STAG1: variants seen among roughly 807,000 people sequenced by gnomAD.
STAG1 encodes the protein STAG1 cohesin complex component.
STAG1 carries 26 observed loss-of-function variants against 170.9 expected under a neutral mutation model. That is an observed-to-expected ratio of 0.15 (90% confidence interval 0.11 to 0.21). STAG1 has a LOEUF of 0.21. STAG1 is among the 10% of genes least tolerant of loss of function. The probability of loss-of-function intolerance (pLI) is 1.00; values close to 1 mark genes in which losing one functional copy is unlikely to be tolerated. For synonymous variants in STAG1, 514 were observed against 497.7 expected (o/e 1.03, Z -0.44); for missense variants, 964 against 1,509.5 (o/e 0.64, Z 5.99).
At chr3:136,526,065 A>G (rs1212235379) in intron 6 of STAG1, among the ~76,000 whole-genome samples, 1 of 152,208 alleles carries the variant, frequency 6.6e-6, no homozygotes, top group East Asian at 1.9e-4. Flanking sequence ...AGAAGAATGT[A>G]TATTCTGTTA....
chr3:136,582,279 G>C (rs1429025073), intron 4 of STAG1, among the ~76,000 whole-genome samples: 1 of 152,164 alleles, frequency 6.6e-6, no homozygotes, highest in Non-Finnish European at 1.5e-5. Context: ...CCTGCAATGA[G>C]AGAAGTTCAG....
rs201296791 is a variant in STAG1, at chr3:136,747,146, G to GCC, written c.-84+5047_-84+5048dup. Among the ~76,000 whole-genome samples the GCC allele has an allele frequency of 3.0e-3, 448 of 147,382 alleles. 7 individuals are homozygous for GCC. In the East Asian group the frequency reaches 0.046, roughly 15 times the overall value. On this transcript the variant is annotated intron_variant, in intron 1 of 33. Transcript: ENST00000383202. Reference sequence around the variant, plus strand: ...AAATTAGCCGGGCATGGTGGTGCGTGCCTGCATTCCCAGCTACTCAGGAGG... The same window carrying GCC: ...AAATTAGCCGGGCATGGTGGTGCGTGCCCCTGCATTCCCAGCTACTCAGGAGG...
chr3:136,673,683 CATG>C lies in STAG1; in HGVS notation c.-83-42705_-83-42703del, dbSNP rs538760644. 6.6e-4 allele frequency among the ~76,000 whole-genome samples: 101 copies of C among 152,262 alleles called. 1 individual carries two copies. Among genetic ancestry groups the C allele is most frequent in the African/African-American group, 2.4e-3 (99 of 41,546 alleles). ...AAAATTTTTCACCTCAAAGCCTGCCCATGATGATAATGCTTTTGTCTCCAACTT... is the reference window on the plus strand; with the variant it reads ...AAAATTTTTCACCTCAAAGCCTGCCCATGATAATGCTTTTGTCTCCAACTT... On this transcript the variant is annotated intron_variant, in intron 1 of 33. Coordinates refer to ENST00000383202, the MANE Select transcript of STAG1 (RefSeq NM_005862.3).
At chr3:136,530,949 A>G (rs547066498) in intron 6 of STAG1, among the ~76,000 whole-genome samples, 1 of 152,180 alleles carries the variant, frequency 6.6e-6, no homozygotes, top group East Asian at 1.9e-4. Context: ...TACTAAAAAT[A>G]CAAAAATTAG....
At chr3:136,702,498 T>G (rs919267611) in intron 1 of STAG1, among the ~76,000 whole-genome samples, 2 of 152,064 alleles carry the variant, frequency 1.3e-5, no homozygotes, top group African/African-American at 2.4e-5. Flanking sequence ...GTGATTCACC[T>G]GCCTCAGGCT....
intron 20 of STAG1, among the ~76,000 whole-genome samples, chr3:136,419,426 C>T (rs1000275050): frequency 6.6e-6 from 1 of 151,918 alleles, no homozygotes; most frequent in Non-Finnish European, 1.5e-5. Context: ...TACAATTTGA[C>T]AACACAAATT....
intron 3 of STAG1, among the ~76,000 whole-genome samples, chr3:136,619,429 G>A (rs1365890608): frequency 6.6e-6 from 1 of 151,564 alleles, no homozygotes; most frequent in Admixed American, 6.6e-5. Context: ...AAACAGTTAA[G>A]TCATATTGGG....
intron 1 of STAG1, among the ~76,000 whole-genome samples, chr3:136,669,721 C>T (rs1481628625): frequency 1.3e-5 from 2 of 152,040 alleles, no homozygotes; most frequent in African/African-American, 2.4e-5. Context: ...TAAAAAGACG[C>T]CATTTCAAAA....
chr3:136,669,257 C>T lies in STAG1; in HGVS notation c.-83-38276G>A, dbSNP rs923541223. ...ACAAAAAACGCTGAAAAGATCAACA[C>T]GGAAATGTTAACAGTGGTTACCCTA... On this transcript the variant is annotated intron_variant, in intron 1 of 33. Coordinates refer to ENST00000383202, the MANE Select transcript of STAG1 (RefSeq NM_005862.3). 5.9e-5 allele frequency among the ~76,000 whole-genome samples: 9 copies of T among 152,318 alleles called. No individual in the cohort carries two copies. The South Asian group carries it at 1.4e-3, about 25-fold the overall frequency.
intron 4 of STAG1, among the ~76,000 whole-genome samples, chr3:136,593,858 T>C (rs931126112): frequency 1.1e-4 from 16 of 152,200 alleles, no homozygotes; most frequent in African/African-American, 3.6e-4. Flanking sequence ...TTCCACAAAA[T>C]TTTACTCCTT....
At chr3:136,693,302 G>A (rs1576773070) in intron 1 of STAG1, among the ~76,000 whole-genome samples, 1 of 152,182 alleles carries the variant, frequency 6.6e-6, no homozygotes, top group Non-Finnish European at 1.5e-5. Flanking sequence ...GACTGGTGGG[G>A]CTGAGGACCA....
chr3:136,687,114 G>C (rs1942553895), intron 1 of STAG1, among the ~76,000 whole-genome samples: 2 of 152,166 alleles, frequency 1.3e-5, no homozygotes, highest in Non-Finnish European at 2.9e-5. Context: ...TTTAAATCCA[G>C]AAATATCTCA....
chr3:136,547,786 CA>C (rs1936219630), intron 5 of STAG1, among the ~76,000 whole-genome samples: 1 of 152,140 alleles, frequency 6.6e-6, no homozygotes, highest in Non-Finnish European at 1.5e-5. Flanking sequence ...AATTCATTGC[CA>C]AGACCAATGT....
chr3:136,511,288 C>G (rs1018473534), intron 7 of STAG1, among the ~76,000 whole-genome samples: 1 of 152,208 alleles, frequency 6.6e-6, no homozygotes, highest in Non-Finnish European at 1.5e-5. Context: ...AGTATGAAAA[C>G]AGACTAATAC....
chr3:136,596,097 T>G (rs1938416814), intron 4 of STAG1, among the ~76,000 whole-genome samples: 1 of 152,226 alleles, frequency 6.6e-6, no homozygotes, highest in African/African-American at 2.4e-5. Context: ...AACAAAGGAT[T>G]CTGAATATTA....
intron 4 of STAG1, among the ~76,000 whole-genome samples, chr3:136,602,859 A>T (rs1938737497): frequency 6.6e-6 from 1 of 152,140 alleles, no homozygotes; most frequent in African/African-American, 2.4e-5. Flanking sequence ...AGTATAATGA[A>T]TAAATTATCA....
chr3:136,388,839 T>A (rs755171761), intron 22 of STAG1, among the ~76,000 whole-genome samples: 10 of 152,228 alleles, frequency 6.6e-5, no homozygotes, highest in Non-Finnish European at 1.3e-4. Context: ...CCATTTCTTT[T>A]TTACTCAAAT....
At chr3:136,531,504 C>G (rs531548307) in intron 6 of STAG1, among the ~76,000 whole-genome samples, 3 of 149,170 alleles carry the variant, frequency 2.0e-5, no homozygotes, top group African/African-American at 7.4e-5. Context: ...AGACTTGGAA[C>G]CAACCCAAAT....
At chr3:136,492,997 G>A (rs888802236) in intron 9 of STAG1, among the ~76,000 whole-genome samples, 1 of 152,108 alleles carries the variant, frequency 6.6e-6, no homozygotes, top group Admixed American at 6.6e-5. Flanking sequence ...AGCTTATAAG[G>A]GGAGTTGAGA....
Sources: gnomAD v4.1 joint callset for allele counts (sites outside exome capture counted in the v4.1 genomes callset) on GRCh38, gnomAD v4.1.1 for gene constraint, MANE v1.5 for transcripts, NCBI Gene and HGNC (gene_info 2026-07-23, HGNC 2026-07-21) for gene names.